ABCC9: variants seen among roughly 807,000 people sequenced by gnomAD.
The protein encoded by ABCC9 is ATP-binding cassette sub-family C member 9.
A neutral mutation model predicts 188.3 loss-of-function variants in ABCC9; 95 were observed. The ratio of observed to expected loss-of-function variants is 0.50; its 90% CI spans 0.43 to 0.60. The LOEUF (loss-of-function observed/expected upper bound fraction) is 0.60, where lower values mean the gene tolerates loss of function less well. ABCC9 is among the 20% of genes least tolerant of loss of function. ABCC9 has a pLI of 0.00. For missense variants in ABCC9, 1,102 were observed against 1,876.3 expected (o/e 0.59, Z 7.62); for synonymous variants, 659 against 652.7 (o/e 1.01, Z -0.15).
chr12:21,827,385 A>C, intron 31 of ABCC9: 1 of 874,160 alleles, frequency 1.1e-6, no homozygotes, highest in Non-Finnish European at 1.4e-6. Context: ...CCCCTAAAAG[A>C]CATACTTGAT....
intron 11 of ABCC9, among the ~76,000 whole-genome samples, chr12:21,906,601 T>G (rs1312545762): frequency 6.6e-6 from 1 of 152,120 alleles, no homozygotes. Flanking sequence ...GCAGATAATA[T>G]AGACATAAAT....
At chr12:21,845,859 C>T in intron 25 of ABCC9, 27 bp from the exon 26 acceptor site, 1 of 1,541,234 alleles carries the variant, frequency 6.5e-7, no homozygotes, top group Non-Finnish European at 8.9e-7. Flanking sequence ...TTTGTTTAAG[C>T]TTCAGATGGG....
rs1285640879 is a variant in ABCC9 at position 21,847,439 on chromosome 12, TTGAAA to T, written c.2866+706_2866+710del. ...AAAGCACATTTTGGTGCTATTTGACTTGAAATGAACATTTTCTCTGTTTTTTTTAA... is the reference window on the plus strand; with the variant it reads ...AAAGCACATTTTGGTGCTATTTGACTTGAACATTTTCTCTGTTTTTTTTAA... On this transcript the variant is annotated intron_variant, in intron 25 of 39. Coordinates refer to ENST00000261200, the MANE Select transcript of ABCC9 (RefSeq NM_020297.4). 2.8e-4 allele frequency among the ~76,000 whole-genome samples: 43 copies of T among 152,176 alleles called. No homozygotes were observed. In the East Asian group the frequency reaches 5.8e-3, roughly 21 times the overall value.
intron 15 of ABCC9, among the ~76,000 whole-genome samples, chr12:21,885,131 T>C (rs2137671788): frequency 6.6e-6 from 1 of 152,320 alleles, no homozygotes; most frequent in South Asian, 2.1e-4. Context: ...CTGTCACTAA[T>C]TCTCCATGGA....
At chr12:21,848,032 T>A (rs1291302011) in intron 25 of ABCC9, 118 bp downstream of exon 25, 1 of 826,306 alleles carries the variant, frequency 1.2e-6, no homozygotes, top group Admixed American at 2.1e-5. Context: ...TATTACTTGA[T>A]TTAATTTTTT....
At chr12:21,865,432 T>C (rs1358138907) in intron 18 of ABCC9, among the ~76,000 whole-genome samples, 1 of 152,156 alleles carries the variant, frequency 6.6e-6, no homozygotes, top group Non-Finnish European at 1.5e-5. Flanking sequence ...CTGATTTAAG[T>C]TACTGATAAA....
intron 31 of ABCC9, chr12:21,827,025 C>T: frequency 1.5e-6 from 1 of 676,834 alleles, no homozygotes; most frequent in Non-Finnish European, 1.8e-6. Flanking sequence ...CTTCCTGTTT[C>T]AGGTGTCAGT....
intron 29 of ABCC9, among the ~76,000 whole-genome samples, chr12:21,839,527 C>T (rs1160283454): frequency 6.6e-6 from 1 of 152,142 alleles, no homozygotes; most frequent in Non-Finnish European, 1.5e-5. Flanking sequence ...CTGAATCTGA[C>T]CATTTTGATA....
intron 26 of ABCC9, 139 bp from the exon 27 acceptor site, chr12:21,845,054 T>A: frequency 1.9e-6 from 2 of 1,053,776 alleles, no homozygotes; most frequent in Non-Finnish European, 2.8e-6. Context: ...GGAATGCAAT[T>A]TTTTGAGGCC....
rs1942790497 is a variant in ABCC9, at chr12:21,818,268, G to C, written c.3670-17C>G. On this transcript the variant is annotated splice_polypyrimidine_tract_variant and intron_variant, in intron 31 of 39. Coordinates refer to ENST00000261200, the MANE Select transcript of ABCC9 (RefSeq NM_020297.4). ...CAGATAATCCTTTGAAAAAGCAAGAGAAAATGTTAAAAGGTTACTCCCAAG... is the reference window on the plus strand; with the variant it reads ...CAGATAATCCTTTGAAAAAGCAAGACAAAATGTTAAAAGGTTACTCCCAAG... The C allele has an allele frequency of 6.2e-7, 1 of 1,604,580 alleles. No individual in the cohort carries two copies. The highest frequency in any genetic ancestry group is 1.3e-5 in the African/African-American group (1 of 74,636).
At chr12:21,933,130 A>G (rs1949352813) in intron 4 of ABCC9, among the ~76,000 whole-genome samples, 1 of 151,926 alleles carries the variant, frequency 6.6e-6, no homozygotes. Flanking sequence ...TAACAGGAAT[A>G]GAAAACCAAA....
intron 15 of ABCC9, among the ~76,000 whole-genome samples, chr12:21,886,072 T>C (rs1173684175): frequency 6.6e-6 from 1 of 152,168 alleles, no homozygotes; most frequent in African/African-American, 2.4e-5. Flanking sequence ...TTGTGAAATA[T>C]ATTAATTTTT....
At chr12:21,895,436 T>C (rs1947353479) in intron 12 of ABCC9, 121 bp from the exon 13 acceptor site, 1 of 869,148 alleles carries the variant, frequency 1.2e-6, no homozygotes, top group Admixed American at 2.0e-5. Flanking sequence ...GTATTAAATG[T>C]CATTTTGTCT....
intron 22 of ABCC9, among the ~76,000 whole-genome samples, chr12:21,853,007 A>G (rs749345920): frequency 1.7e-4 from 26 of 152,186 alleles, no homozygotes; most frequent in Non-Finnish European, 2.9e-4. Flanking sequence ...CTAGATAACA[A>G]AACTAGGTAT....
intron 14 of ABCC9, among the ~76,000 whole-genome samples, chr12:21,888,410 C>T (rs953815928): frequency 4.6e-5 from 7 of 152,048 alleles, no homozygotes; most frequent in Non-Finnish European, 8.8e-5. Context: ...GATCTGGAAT[C>T]CTTGGCCACT....
chr12:21,838,181 G>A lies in ABCC9; in HGVS notation c.3474-11C>T. ...AGTTCCTGGAGGTCCCTAGTAGAGA[G>A]AGGGGCAAAAATAAACTTCATGTGC... On this transcript the variant is annotated splice_polypyrimidine_tract_variant and intron_variant, in intron 29 of 39. Coordinates refer to ENST00000261200, the MANE Select transcript of ABCC9 (RefSeq NM_020297.4). The A allele has an allele frequency of 6.3e-7, 1 of 1,585,362 alleles. No individual in the cohort carries two copies. The highest frequency in any genetic ancestry group is 1.1e-5 in the South Asian group (1 of 90,474).
intron 35 of ABCC9, among the ~76,000 whole-genome samples, chr12:21,813,955 A>T (rs1412827413): frequency 6.6e-6 from 1 of 152,180 alleles, no homozygotes; most frequent in Non-Finnish European, 1.5e-5. Flanking sequence ...AGTTCGGTCA[A>T]ATTCATTGCT....
rs1949380006 is a variant in ABCC9 at position 21,933,856 on chromosome 12, G to A, written c.210C>T (p.Asn70=). The part of the protein sequence containing the change: ...HNTWLHFPGH[N]LRWILTFALL... ...GAGCGAATGTAAGAATCCATCTCAG[G>A]TTATGTCCCGGAAAATGAAGCCATG... Residue 70 remains asparagine, a synonymous_variant, in exon 4 of 40, where the codon AAC becomes AAT. Coordinates refer to ENST00000261200, the MANE Select transcript of ABCC9 (RefSeq NM_020297.4). 1.2e-6 allele frequency: 2 copies of A among 1,613,552 alleles called. No homozygotes were observed. The highest frequency in any genetic ancestry group is 1.3e-5 in the African/African-American group (1 of 74,878).
intron 12 of ABCC9, among the ~76,000 whole-genome samples, chr12:21,905,201 C>T (rs1321724425): frequency 6.6e-6 from 1 of 152,108 alleles, no homozygotes; most frequent in Non-Finnish European, 1.5e-5. Context: ...TGTTCTCACT[C>T]ATAGGTGGGA....
Sources: allele counts gnomAD v4.1 joint callset (sites outside exome capture counted in the v4.1 genomes callset), GRCh38; gene constraint gnomAD v4.1.1; transcripts MANE v1.5; gene names NCBI Gene and HGNC (gene_info 2026-07-23, HGNC 2026-07-21).